The following BRAF variants were observed in gnomAD, a reference collection of about 807,000 sequenced individuals.
BRAF encodes the protein serine/threonine-protein kinase B-raf.
In BRAF, 16 loss-of-function variants were observed where a neutral mutation model predicts 104.6. That is an observed-to-expected ratio of 0.15 (90% confidence interval 0.10 to 0.23). BRAF has a LOEUF of 0.23. Among genes scored for constraint, BRAF ranks in the 10% least tolerant of loss-of-function variants. The probability of loss-of-function intolerance (pLI) is 1.00; values close to 1 mark genes in which losing one functional copy is unlikely to be tolerated. For synonymous variants in BRAF, 310 were observed against 341.6 expected, an observed-to-expected ratio of 0.91 and a Z score of 1.02; for missense variants, 541 against 937.3, an observed-to-expected ratio of 0.58 and a Z score of 5.52.
At chr7:140,833,843 A>G (rs966344715) in intron 3 of BRAF, 11 of 152,328 alleles carry the variant, frequency 7.2e-5, no homozygotes, top group African/African-American at 2.6e-4. Flanking sequence ...TTAACTTCTG[A>G]AAGTAAAATG....
intron 17 of BRAF, among the ~76,000 whole-genome samples, chr7:140,742,541 G>T (rs1429441764): frequency 6.6e-6 from 1 of 152,068 alleles, no homozygotes; most frequent in African/African-American, 2.4e-5. Flanking sequence ...TCAACTTACT[G>T]GTATCCCCTT....
At position 140,725,606 on chromosome 7, in the gene BRAF, C is replaced by T; in HGVS notation, c.*888G>A. On this transcript the variant is annotated 3_prime_UTR_variant, in exon 20 of 20. Coordinates refer to ENST00000644969, the MANE Select transcript of BRAF (RefSeq NM_001374258.1). ...AGATACTGCCACGGCATTTTGTGCC[C>T]TGGACAAAGTAGCCGCATAAGTAGT... 1 of 1,058,400 alleles carries T rather than the reference C, an allele frequency of 9.4e-7. No individual in the cohort carries two copies. The highest frequency in any genetic ancestry group is 4.6e-5 in the South Asian group (1 of 21,900). 65.6% of individuals were successfully genotyped at this position (1,058,400 alleles called of 1,614,324 possible).
At chr7:140,798,898 T>C (rs188209712) in intron 7 of BRAF, among the ~76,000 whole-genome samples, 3 of 152,202 alleles carry the variant, frequency 2.0e-5, no homozygotes, top group Non-Finnish European at 4.4e-5. Context: ...CAGGCTGGAG[T>C]GCAATGGTGC....
intron 14 of BRAF, among the ~76,000 whole-genome samples, chr7:140,768,011 G>C (rs1799493433): frequency 6.6e-6 from 1 of 152,296 alleles, no homozygotes. Context: ...ATGTAGCAGA[G>C]CTGGTATCAG....
intron 16 of BRAF, 42 bp downstream of exon 15, chr7:140,753,233 G>T (rs1255031025): frequency 1.3e-6 from 2 of 1,483,490 alleles, no homozygotes; most frequent in Non-Finnish European, 1.9e-6. Flanking sequence ...AGCATCTCAG[G>T]GCCAAAAATT....
intron 14 of BRAF, among the ~76,000 whole-genome samples, chr7:140,766,661 C>T (rs891635001): frequency 4.6e-5 from 7 of 152,076 alleles, no homozygotes; most frequent in African/African-American, 1.7e-4. Flanking sequence ...CCACTCACTG[C>T]AACCTCAGCC....
intron 16 of BRAF, among the ~76,000 whole-genome samples, chr7:140,750,641 A>G (rs1286366207): frequency 6.6e-6 from 1 of 152,234 alleles, no homozygotes; most frequent in East Asian, 1.9e-4. Flanking sequence ...TTTTGTTCAT[A>G]GTTGCTTTTA....
intron 8 of BRAF, 108 bp from the exon 9 acceptor site, chr7:140,787,692 AACAAT>A (rs1801533040): frequency 3.3e-6 from 3 of 917,968 alleles, no homozygotes; most frequent in Non-Finnish European, 5.2e-6. Context: ...TATTAATTAA[AACAAT>A]ACATCTTATA....
chr7:140,723,394 G>A lies in BRAF; in HGVS notation c.*3100C>T. ...TAAATATAGCATATATCATTTGTAT[G>A]GGATTTTATCTTCTAAAATGCCCCA... On this transcript the variant is annotated 3_prime_UTR_variant, in exon 20 of 20. Coordinates refer to ENST00000644969, the MANE Select transcript of BRAF (RefSeq NM_001374258.1). 3 of 1,053,670 alleles carry A rather than the reference G, an allele frequency of 2.8e-6. No homozygotes were observed. Among genetic ancestry groups the A allele is most frequent in the Non-Finnish European group, 3.4e-6 (3 of 872,458 alleles). The allele number at this position is 1,053,670 out of a possible 1,614,324, so 65.3% of individuals were successfully genotyped here. A position where few individuals can be genotyped will look rare whatever the true frequency, so the allele number is the denominator to read the frequency against.
chr7:140,822,090 T>C (rs1052006007), intron 3 of BRAF, among the ~76,000 whole-genome samples: 1 of 152,132 alleles, frequency 6.6e-6, no homozygotes, highest in Admixed American at 6.5e-5. Context: ...GGATCATTTG[T>C]ACATCAAACC....
At chr7:140,768,474 T>G (rs1373211029) in intron 14 of BRAF, among the ~76,000 whole-genome samples, 2 of 152,202 alleles carry the variant, frequency 1.3e-5, no homozygotes, top group Admixed American at 1.3e-4. Context: ...AGGAATGCCC[T>G]CATGAAAGCA....
In BRAF at chr7:140,924,726, C is replaced by G; in HGVS notation, c.-23G>C. 2.4e-6 allele frequency: 2 copies of G among 830,360 alleles called. No homozygotes were observed. 51.4% of individuals were successfully genotyped at this position (830,360 alleles called of 1,614,324 possible). A position where few individuals can be genotyped will look rare whatever the true frequency, so the allele number is the denominator to read the frequency against. ...CATCTTATAACCGAGAGCCGGGGCCCGAGCGGCCGCTGTCGGGCGGGGAGG... is the reference window on the plus strand; with the variant it reads ...CATCTTATAACCGAGAGCCGGGGCCGGAGCGGCCGCTGTCGGGCGGGGAGG... On this transcript the variant is annotated 5_prime_UTR_variant, in exon 1 of 20. Coordinates refer to ENST00000644969, the MANE Select transcript of BRAF (RefSeq NM_001374258.1). The surrounding 1 kb of genome is among the most constrained non-coding windows in gnomAD (Gnocchi z 4.2).
chr7:140,794,734 C>T (rs1443631566), intron 7 of BRAF, among the ~76,000 whole-genome samples: 1 of 152,064 alleles, frequency 6.6e-6, no homozygotes, highest in Non-Finnish European at 1.5e-5. Context: ...TTACTTATGG[C>T]TAGAAATTAC....
At chr7:140,715,989 C>A (rs979241016), downstream of BRAF, among the ~76,000 whole-genome samples, 1 of 152,202 alleles carries the variant, frequency 6.6e-6, no homozygotes, top group Non-Finnish European at 1.5e-5. Flanking sequence ...TGAGTCAACA[C>A]AGCTTGGTGT....
intron 10 of BRAF, among the ~76,000 whole-genome samples, chr7:140,784,608 T>A (rs1460016346): frequency 6.6e-6 from 1 of 151,884 alleles, no homozygotes. Context: ...TAAATATAAA[T>A]CTTTAAAAAT....
chr7:140,792,033 A>G (rs1802018324), intron 8 of BRAF, among the ~76,000 whole-genome samples: 1 of 152,226 alleles, frequency 6.6e-6, no homozygotes, highest in Admixed American at 6.5e-5. Context: ...ATGAAATAAG[A>G]AAGTCTACGT....
chr7:140,822,393 C>T (rs1805585082), intron 3 of BRAF: 1 of 152,182 alleles, frequency 6.6e-6, no homozygotes, highest in Admixed American at 6.5e-5. Flanking sequence ...AATGAACATA[C>T]CCATCACTTT....
At chr7:140,833,488 A>C (rs1807006218) in intron 3 of BRAF, among the ~76,000 whole-genome samples, 2 of 152,260 alleles carry the variant, frequency 1.3e-5, no homozygotes, top group South Asian at 4.1e-4. Flanking sequence ...TTCCCCTTTT[A>C]AGTGGGGCAT....
In BRAF at chr7:140,720,473, A is replaced by G. The variant is rs1204365454; in HGVS notation, c.*6021T>C. The G allele has an allele frequency of 3.8e-6, 4 of 1,064,092 alleles. No homozygotes were observed. Among genetic ancestry groups the G allele is most frequent in the South Asian group, 4.6e-5 (1 of 21,968 alleles). 65.9% of individuals were successfully genotyped at this position (1,064,092 alleles called of 1,614,324 possible). A position where few individuals can be genotyped will look rare whatever the true frequency, so the allele number is the denominator to read the frequency against. ...TCATTAACATGAATAAAAAGGCATTATATGTTGATATAGCTGGTTTTAATC... is the reference window on the plus strand; with the variant it reads ...TCATTAACATGAATAAAAAGGCATTGTATGTTGATATAGCTGGTTTTAATC... On this transcript the variant is annotated 3_prime_UTR_variant, in exon 20 of 20. Coordinates refer to ENST00000644969, the MANE Select transcript of BRAF (RefSeq NM_001374258.1).
Sources: gnomAD v4.1 joint callset for allele counts (sites outside exome capture counted in the v4.1 genomes callset) on GRCh38, gnomAD v4.1.1 for gene constraint, Gnocchi (gnomAD v3.1) non-coding constraint, MANE v1.5 for transcripts, NCBI Gene and HGNC (gene_info 2026-07-23, HGNC 2026-07-21) for gene names.